Variants in LRP6 observed in about 807,000 individuals in gnomAD.
LRP6 encodes low-density lipoprotein receptor-related protein 6.
Under a neutral mutation model 184.1 loss-of-function variants are expected in LRP6, and 43 were observed. The ratio of observed to expected loss-of-function variants is 0.23; its 90% CI spans 0.18 to 0.30. The LOEUF is 0.30. Ranked by LOEUF, LRP6 falls within the 10% of genes least tolerant of loss-of-function variation. The pLI, the probability that LRP6 is intolerant of heterozygous loss-of-function variation, is 1.00. For synonymous variants in LRP6, 719 were observed against 684.9 expected (o/e 1.05, Z -0.78); for missense variants, 1,571 against 2,005.3 (o/e 0.78, Z 4.14).
At chr12:12,234,874 TAAA>T (rs1211784925) in intron 2 of LRP6, among the ~76,000 whole-genome samples, 1 of 140,728 alleles carries the variant, frequency 7.1e-6, no homozygotes, top group Non-Finnish European at 1.6e-5. Flanking sequence ...GGAGATATAA[TAAA>T]AGAAAAAAAA....
chr12:12,134,998 G>C (rs1949813017), intron 17 of LRP6, among the ~76,000 whole-genome samples, 177 bp downstream of exon 17: 1 of 152,144 alleles, frequency 6.6e-6, no homozygotes, highest in South Asian at 2.1e-4. Flanking sequence ...TATGAGGCTG[G>C]GCAGGGTGGC....
chr12:12,151,158 A>G, intron 12 of LRP6, 120 bp from the exon 13 acceptor site: 1 of 926,572 alleles, frequency 1.1e-6, no homozygotes, highest in East Asian at 2.6e-5. Flanking sequence ...TTGAAGAGCT[A>G]AGGCTGAGGA....
At chr12:12,233,387 G>T (rs1864842173) in intron 2 of LRP6, among the ~76,000 whole-genome samples, 1 of 152,122 alleles carries the variant, frequency 6.6e-6, no homozygotes, top group African/African-American at 2.4e-5. Context: ...AGAATGGCGT[G>T]AACCCGGGAG....
At chr12:12,239,514 C>T (rs1262747314) in intron 2 of LRP6, among the ~76,000 whole-genome samples, 1 of 152,046 alleles carries the variant, frequency 6.6e-6, no homozygotes, top group Admixed American at 6.5e-5. Context: ...ATATTTTATT[C>T]CTAGTTCACA....
intron 1 of LRP6, among the ~76,000 whole-genome samples, chr12:12,258,595 T>C (rs952831793): frequency 3.9e-5 from 6 of 152,214 alleles, no homozygotes; most frequent in South Asian, 4.1e-4. Context: ...GGGAAAAAGG[T>C]CTACTCTTCA....
At chr12:12,266,351 C>T (rs1022811088) in intron 1 of LRP6, among the ~76,000 whole-genome samples, 1 of 152,116 alleles carries the variant, frequency 6.6e-6, no homozygotes, top group African/African-American at 2.4e-5. Context: ...GACCCTTTTC[C>T]CTGGAAGACC....
At chr12:12,179,697 T>C (rs1863293849) in intron 7 of LRP6, 113 bp downstream of exon 7, 9 of 1,114,990 alleles carry the variant, frequency 8.1e-6, no homozygotes, top group East Asian at 5.0e-5. Flanking sequence ...AAAGGTACCT[T>C]TGGCACCCCA....
At chr12:12,130,195 T>C (rs1049492296) in intron 19 of LRP6, among the ~76,000 whole-genome samples, 1 of 151,648 alleles carries the variant, frequency 6.6e-6, no homozygotes, top group Admixed American at 6.6e-5. Context: ...TTTTCTTTTT[T>C]TTTTTTTTTG....
At chr12:12,139,949 T>C (rs908909539) in intron 15 of LRP6, among the ~76,000 whole-genome samples, 6 of 151,980 alleles carry the variant, frequency 3.9e-5, no homozygotes, top group Admixed American at 6.6e-5. Context: ...CACCAGGTAT[T>C]TTAGAATGGA....
chr12:12,228,641 GGCA>G (rs1306326708), intron 2 of LRP6, among the ~76,000 whole-genome samples: 2 of 152,162 alleles, frequency 1.3e-5, no homozygotes, highest in African/African-American at 2.4e-5. Context: ...TCACATCAGT[GGCA>G]GCATTAGTCT....
At chr12:12,127,027 T>G (rs1387933487) in intron 19 of LRP6, 106 bp from the exon 20 acceptor site, 2 of 912,962 alleles carry the variant, frequency 2.2e-6, no homozygotes, top group Non-Finnish European at 3.5e-6. Flanking sequence ...ATAAGCCTAA[T>G]GAAGATAATT....
intron 7 of LRP6, among the ~76,000 whole-genome samples, chr12:12,168,146 A>G (rs1156521641): frequency 6.6e-6 from 1 of 152,246 alleles, no homozygotes; most frequent in Admixed American, 6.5e-5. Context: ...CAACATTAGT[A>G]AAGACATCTA....
chr12:12,241,059 A>G (rs1358876518), intron 2 of LRP6, among the ~76,000 whole-genome samples: 1 of 152,230 alleles, frequency 6.6e-6, no homozygotes, highest in Non-Finnish European at 1.5e-5. Flanking sequence ...AGTCTAGGCT[A>G]AATGGACTGA....
chr12:12,191,776 T>C (rs1177282594), intron 3 of LRP6, among the ~76,000 whole-genome samples: 2 of 151,204 alleles, frequency 1.3e-5, no homozygotes, highest in South Asian at 4.2e-4. Context: ...CAAAAATACA[T>C]CATTTCAGAA....
At chr12:12,185,892 T>G (rs991785584) in intron 4 of LRP6, among the ~76,000 whole-genome samples, 3 of 150,280 alleles carry the variant, frequency 2.0e-5, no homozygotes, top group Admixed American at 1.3e-4. Flanking sequence ...TTGCCCAGGC[T>G]GAAAGTGCAA....
chr12:12,149,207 G>A lies in LRP6; in HGVS notation c.2995-54C>T, dbSNP rs537120350. Reference sequence around the variant, plus strand: ...TTAAACTCCAGGGGCAGATAACCCTGAGGCAATCAGTCACAATGCTTACAC... The same window carrying A: ...TTAAACTCCAGGGGCAGATAACCCTAAGGCAATCAGTCACAATGCTTACAC... On this transcript the variant is annotated intron_variant, in intron 13 of 22. Coordinates refer to ENST00000261349, the MANE Select transcript of LRP6 (RefSeq NM_002336.3). The A allele has an allele frequency of 5.0e-5, 70 of 1,390,388 alleles. 2 individuals carry two copies. In the Middle Eastern group the frequency reaches 1.2e-3, roughly 24 times the overall value. The allele number at this position is 1,390,388 out of a possible 1,614,324, so 86.1% of individuals were successfully genotyped here. A position where few individuals can be genotyped will look rare whatever the true frequency, so the allele number is the denominator to read the frequency against.
intron 1 of LRP6, among the ~76,000 whole-genome samples, chr12:12,256,725 G>A (rs1167215728): frequency 6.6e-6 from 1 of 152,032 alleles, no homozygotes; most frequent in Admixed American, 6.5e-5. Flanking sequence ...AGAATCACTT[G>A]AACCCAGGAG....
chr12:12,164,918 G>GT (rs1242418836), intron 8 of LRP6, among the ~76,000 whole-genome samples, 161 bp downstream of exon 8: 12 of 9,350 alleles, frequency 1.3e-3, no homozygotes, highest in African/African-American at 2.8e-3. Context: ...TCCCTTCTCA[G>GT]TAAAAAAAAA....
rs117232516 is a variant in LRP6, at chr12:12,195,882, G to A, written c.647+7321C>T. On this transcript the variant is annotated intron_variant, in intron 3 of 22. Transcript: ENST00000261349. Reference sequence around the variant, plus strand: ...GATTTTTGTATAAGGTGAGAGGTGGGTTTCTAGTTTCATTCTTCCACATGT... The same window carrying A: ...GATTTTTGTATAAGGTGAGAGGTGGATTTCTAGTTTCATTCTTCCACATGT... Among the ~76,000 whole-genome samples, 529 of 152,162 alleles carry A rather than the reference G, an allele frequency of 3.5e-3. 4 individuals carry two copies. In the Middle Eastern group the frequency reaches 0.041, roughly 12 times the overall value.
Sources: allele counts gnomAD v4.1 joint callset (sites outside exome capture counted in the v4.1 genomes callset), GRCh38; gene constraint gnomAD v4.1.1; transcripts MANE v1.5; gene names NCBI Gene and HGNC (gene_info 2026-07-23, HGNC 2026-07-21).